Variants in FSD1 observed in about 807,000 individuals in gnomAD.
FSD1 encodes fibronectin type III and SPRY domain-containing protein 1.
In FSD1, 23 loss-of-function variants were observed where a neutral mutation model predicts 58.2. The ratio of observed to expected loss-of-function variants is 0.40; its 90% CI spans 0.28 to 0.56. The LOEUF is 0.56. Ranked by LOEUF, FSD1 falls within the 20% of genes least tolerant of loss-of-function variation. FSD1 has a pLI of 0.54. For missense variants in FSD1, 563 were observed against 670.8 expected (o/e 0.84, Z 1.78); for synonymous variants, 265 against 263.4 (o/e 1.01, Z -0.06).
chr19:4,305,814 G>A, intron 1 of FSD1, 132 bp from the exon 2 acceptor site: 1 of 699,572 alleles, frequency 1.4e-6, no homozygotes, highest in Admixed American at 2.1e-5. Context: ...GTGCATGTGT[G>A]TGCGCACGCG....
chr19:4,308,654 A>G (rs556563391), intron 4 of FSD1, among the ~76,000 whole-genome samples: 31 of 152,266 alleles, frequency 2.0e-4, no homozygotes, highest in South Asian at 1.7e-3. Context: ...TCAGGAGATC[A>G]AGACCATCCT....
intron 7 of FSD1, among the ~76,000 whole-genome samples, chr19:4,313,104 T>G (rs144751143): frequency 6.6e-6 from 1 of 151,564 alleles, no homozygotes; most frequent in African/African-American, 2.4e-5. Flanking sequence ...ATACAGCACT[T>G]TGGGAGGCTG....
intron 6 of FSD1, 162 bp downstream of exon 6, chr19:4,310,758 T>C (rs3745988): frequency 0.22 from 161,986 of 743,054 alleles, 18,353 homozygotes; most frequent in Non-Finnish European, 0.23. Flanking sequence ...GGGGTGGAGT[T>C]CTCATGGAGC....
At chr19:4,317,600 G>A (rs1568381223) in intron 8 of FSD1, among the ~76,000 whole-genome samples, 1 of 152,198 alleles carries the variant, frequency 6.6e-6, no homozygotes, top group Non-Finnish European at 1.5e-5. Flanking sequence ...CTTTCACAGT[G>A]ACACCTTCAC....
rs752149632 is a variant in FSD1, at chr19:4,311,962, G to C, written c.611G>C (p.Arg204Pro). 3.1e-6 allele frequency: 5 copies of C among 1,612,452 alleles called. No homozygotes were observed. The highest frequency in any genetic ancestry group is 4.2e-6 in the Non-Finnish European group (5 of 1,179,996). The change falls in exon 7 of 13, where the codon CGG (arginine) becomes CCG (proline). Residue 204 changes from arginine to proline, a missense_variant. Arg to Pro is a moderately radical substitution (Grantham distance 103, BLOSUM62 -2). Transcript: ENST00000221856. ...GACCACTACGTGCTGGAGTACCGGC[G>C]GACCAACTTCGAGGGCCCGCCCCGC... ...KIDHYVLEYR[R>P]TNFEGPPRLK...
chr19:4,317,714 A>G (rs1369511857), intron 8 of FSD1, among the ~76,000 whole-genome samples: 2 of 152,132 alleles, frequency 1.3e-5, no homozygotes, highest in East Asian at 1.9e-4. Context: ...GGGTAGTGCA[A>G]TTGGCTTGAA....
chr19:4,306,471 TC>T, intron 3 of FSD1, 142 bp downstream of exon 3: 1 of 701,528 alleles, frequency 1.4e-6, no homozygotes, highest in Non-Finnish European at 2.3e-6. Context: ...GTACACTCTC[TC>T]TTTTTTTTTT....
chr19:4,318,282 T>C, intron 8 of FSD1, 64 bp from the exon 9 acceptor site: 1 of 1,609,176 alleles, frequency 6.2e-7, no homozygotes, highest in Non-Finnish European at 8.5e-7. Context: ...TCTGTCTCTC[T>C]GTCTCTCTCT....
At chr19:4,313,565 A>G (rs1971719372) in intron 7 of FSD1, among the ~76,000 whole-genome samples, 1 of 151,626 alleles carries the variant, frequency 6.6e-6, no homozygotes, top group Non-Finnish European at 1.5e-5. Context: ...TAAAAATACA[A>G]AAATTAGCTG....
rs200626312 is a variant in FSD1, at chr19:4,307,902, G to A, written c.264G>A (p.Thr88=). The A allele has an allele frequency of 2.9e-4, 466 of 1,613,466 alleles. 1 individual carries two copies. The Admixed American group carries it at 3.0e-3, about 10-fold the overall frequency. ...CACAGAACCAGCTGGCTGCCTGCACGCGGGCCCTGGAGAGCTCCGAGGAGC... is the reference window on the plus strand; with the variant it reads ...CACAGAACCAGCTGGCTGCCTGCACACGGGCCCTGGAGAGCTCCGAGGAGC... ...YELQNQLAAC[T]RALESSEELL... Residue 88 remains threonine (T), a synonymous_variant, in exon 4 of 13, where the codon ACG becomes ACA. Transcript: ENST00000221856.
chr19:4,323,676 T>G lies in FSD1; in HGVS notation c.*33T>G, dbSNP rs900883707. 1.0e-5 allele frequency: 15 copies of G among 1,498,978 alleles called. No homozygotes were observed. Among genetic ancestry groups the G allele is most frequent in the African/African-American group, 1.4e-5 (1 of 72,472 alleles). The allele number at this position is 1,498,978 out of a possible 1,614,324, so 92.9% of individuals were successfully genotyped here. ...GGCACCCACCCAGCTGGGGTGTTTT[T>G]GGGGGAGTCGCCGCCAAGCCCAGGC... On this transcript the variant is annotated 3_prime_UTR_variant, in exon 13 of 13. Transcript: ENST00000221856. This position sits in a 1 kb window ranked among gnomAD's most constrained non-coding sequence, Gnocchi z 7.7.
rs1971732068 is a variant in FSD1, at chr19:4,323,597, A to G, written c.1445A>G (p.Gln482Arg). Residue 482 changes from glutamine to arginine, a missense_variant, in exon 13 of 13, where the codon CAA becomes CGA. Gln to Arg is a conservative substitution (Grantham distance 43). Transcript: ENST00000221856. The surrounding 1 kb of genome is among the most constrained non-coding windows in gnomAD (Gnocchi z 7.7). Reference protein sequence around the residue: ...LQVPSAVRCLQKRGSATSSSN... With the variant: ...LQVPSAVRCLRKRGSATSSSN... ...GTCCCCAGTGCTGTGCGCTGCCTGC[A>G]AAAGCGAGGCAGTGCTACCAGCAGC... 1 of 1,612,684 alleles carries G rather than the reference A, an allele frequency of 6.2e-7. No homozygotes were observed. The highest frequency in any genetic ancestry group is 1.7e-5 in the Admixed American group (1 of 59,894).
At chr19:4,322,596 T>C (rs1475942150) in intron 10 of FSD1, among the ~76,000 whole-genome samples, 3 of 145,848 alleles carry the variant, frequency 2.1e-5, no homozygotes, top group African/African-American at 7.8e-5. Context: ...CTGGAGGGAA[T>C]AGCTGTGGCC....
Position 4,317,275 on chromosome 19 carries a change from C to T in FSD1, c.794C>T (p.Thr265Ile). ...GEFSEPVTLE[T>I]PAFMFRLDAS... ...TTCTCTGAGCCGGTGACTCTGGAGA[C>T]ACCAGGTGACTGGATTCCACCCTTG... The change falls in exon 8 of 13, where the codon ACA becomes ATA. Residue 265 changes from threonine (T) to isoleucine (I), a missense_variant. Thr to Ile is a moderately conservative substitution (Grantham distance 89, BLOSUM62 -1). Transcript: ENST00000221856. 8 of 1,591,022 alleles carry T rather than the reference C, an allele frequency of 5.0e-6. No individual in the cohort carries two copies. The highest frequency in any genetic ancestry group is 6.0e-6 in the Non-Finnish European group (7 of 1,159,092).
intron 4 of FSD1, 30 bp from the exon 5 acceptor site, chr19:4,310,243 C>A (rs768945785): frequency 1.2e-6 from 2 of 1,613,744 alleles, no homozygotes; most frequent in Non-Finnish European, 1.7e-6. Context: ...AAAAAGAAAT[C>A]TTTGAATGTT....
intron 5 of FSD1, 71 bp from the exon 6 acceptor site, chr19:4,310,404 G>A: frequency 6.2e-7 from 1 of 1,605,260 alleles, no homozygotes; most frequent in Non-Finnish European, 8.5e-7. Context: ...GAGCCCTGGG[G>A]AGGGGCCCCC....
chr19:4,307,537 T>G (rs1479697865), intron 3 of FSD1, among the ~76,000 whole-genome samples: 1 of 152,016 alleles, frequency 6.6e-6, no homozygotes, highest in African/African-American at 2.4e-5. Flanking sequence ...CCAGCTACTT[T>G]TTTCTATGTT....
At position 4,322,943 on chromosome 19, in the gene FSD1, TC is replaced by T. The variant is rs778323509; in HGVS notation, c.1040-42del. 4 of 1,578,110 alleles carry T rather than the reference TC, an allele frequency of 2.5e-6. No individual in the cohort carries two copies. The East Asian group carries it at 9.2e-5, about 36-fold the overall frequency. ...TGTGGAAGGGCATCTGTGGCCCAGTTCTATCCAGTTCCCCTGCCCACCCCTC... is the reference window on the plus strand; with the variant it reads ...TGTGGAAGGGCATCTGTGGCCCAGTTTATCCAGTTCCCCTGCCCACCCCTC... On this transcript the variant is annotated intron_variant, in intron 10 of 12. Coordinates refer to ENST00000221856, the MANE Select transcript of FSD1 (RefSeq NM_024333.3).
At chr19:4,312,507 A>G (rs1221341664) in intron 7 of FSD1, among the ~76,000 whole-genome samples, 1 of 144,072 alleles carries the variant, frequency 6.9e-6, no homozygotes, top group Admixed American at 7.0e-5. Context: ...ACAAAAAATA[A>G]TAATAATGAA....
Sources: gnomAD v4.1 joint callset for allele counts (sites outside exome capture counted in the v4.1 genomes callset) on GRCh38, gnomAD v4.1.1 for gene constraint, Gnocchi (gnomAD v3.1) non-coding constraint, MANE v1.5 for transcripts, NCBI Gene and HGNC (gene_info 2026-07-23, HGNC 2026-07-21) for gene names.